SLC4A4: variants seen among roughly 807,000 people sequenced by gnomAD.
SLC4A4 encodes solute carrier family 4 member 4.
SLC4A4 carries 27 observed loss-of-function variants against 111.5 expected under a neutral mutation model. The observed-to-expected ratio is 0.24, with a 90% confidence interval of 0.18 to 0.33. The LOEUF is 0.33. Ranked by LOEUF, SLC4A4 falls within the 10% of genes least tolerant of loss-of-function variation. The pLI is 1.00. For missense variants in SLC4A4, 909 were observed against 1,315.5 expected (o/e 0.69, Z 4.78); for synonymous variants, 443 against 463.4 (o/e 0.96, Z 0.57).
chr4:71,289,593 G>A (rs1724177086), intron 3 of SLC4A4, among the ~76,000 whole-genome samples: 1 of 152,192 alleles, frequency 6.6e-6, no homozygotes, highest in Non-Finnish European at 1.5e-5. Context: ...AAAAAAAACA[G>A]TGCAAATGGA....
intron 2 of SLC4A4, among the ~76,000 whole-genome samples, chr4:71,140,718 C>G (rs138495573): frequency 9.9e-5 from 15 of 152,256 alleles, no homozygotes; most frequent in South Asian, 6.2e-4. Flanking sequence ...CCTTCCTCAT[C>G]ATATGACGAT....
chr4:71,379,724 G>A (rs1300118906), intron 6 of SLC4A4, among the ~76,000 whole-genome samples: 3 of 152,082 alleles, frequency 2.0e-5, no homozygotes, highest in African/African-American at 4.8e-5. Flanking sequence ...GAACAATAAG[G>A]TGGTTCCATT....
chr4:71,479,216 G>A (rs1728645826), intron 14 of SLC4A4, among the ~76,000 whole-genome samples: 1 of 151,636 alleles, frequency 6.6e-6, no homozygotes, highest in Admixed American at 6.6e-5. Context: ...CAGGAACCAA[G>A]TGCATCCCTG....
At chr4:71,383,404 C>G (rs903818484) in intron 6 of SLC4A4, among the ~76,000 whole-genome samples, 1 of 152,154 alleles carries the variant, frequency 6.6e-6, no homozygotes, top group Non-Finnish European at 1.5e-5. Flanking sequence ...CACATACCCT[C>G]TGTATGATGA....
chr4:71,177,733 G>A (rs1389150892), intron 2 of SLC4A4, among the ~76,000 whole-genome samples: 2 of 152,144 alleles, frequency 1.3e-5, no homozygotes, highest in East Asian at 1.9e-4. Context: ...AATAATGTGA[G>A]ACTTTAACAC....
At chr4:71,284,943 G>C (rs1723795233) in intron 3 of SLC4A4, among the ~76,000 whole-genome samples, 1 of 152,162 alleles carries the variant, frequency 6.6e-6, no homozygotes, top group Non-Finnish European at 1.5e-5. Flanking sequence ...TGGGGAATCT[G>C]ATTAGGCCGT....
intron 2 of SLC4A4, among the ~76,000 whole-genome samples, chr4:71,124,174 C>CT (rs5859248): frequency 4.5e-4 from 55 of 123,038 alleles, no homozygotes; most frequent in South Asian, 1.6e-3. Flanking sequence ...TAGGCCCACA[C>CT]TTTTTTTTTT....
At chr4:71,523,884 G>T (rs1168471786) in intron 16 of SLC4A4, among the ~76,000 whole-genome samples, 1 of 151,986 alleles carries the variant, frequency 6.6e-6, no homozygotes, top group African/African-American at 2.4e-5. Flanking sequence ...TGATAATTTG[G>T]TCTTAATGAA....
At chr4:71,486,588 GT>G (rs1283089825) in intron 14 of SLC4A4, among the ~76,000 whole-genome samples, 1 of 151,338 alleles carries the variant, frequency 6.6e-6, no homozygotes. Context: ...GAAGCCAGTG[GT>G]CAACTTAATC....
intron 1 of SLC4A4, among the ~76,000 whole-genome samples, chr4:71,188,612 T>A (rs1745597592): frequency 6.6e-6 from 1 of 152,200 alleles, no homozygotes; most frequent in African/African-American, 2.4e-5. Context: ...TAATACTACC[T>A]GAATTAAATT....
intron 12 of SLC4A4, among the ~76,000 whole-genome samples, chr4:71,465,738 G>A (rs1727249195): frequency 6.6e-6 from 1 of 151,814 alleles, no homozygotes; most frequent in Non-Finnish European, 1.5e-5. Flanking sequence ...GAAAATGATG[G>A]GTTGATTTCC....
chr4:71,144,193 C>G (rs996795250), intron 2 of SLC4A4, among the ~76,000 whole-genome samples: 1 of 152,234 alleles, frequency 6.6e-6, no homozygotes, highest in East Asian at 1.9e-4. Flanking sequence ...GCACCATCTA[C>G]TAAATAGGGA....
intron 18 of SLC4A4, among the ~76,000 whole-genome samples, chr4:71,540,653 A>G (rs1290308117): frequency 6.6e-6 from 1 of 152,148 alleles, no homozygotes; most frequent in Non-Finnish European, 1.5e-5. Context: ...TTCCCTATTC[A>G]CCACCTGTCT....
chr4:71,136,376 C>A (rs1743842916), intron 2 of SLC4A4, among the ~76,000 whole-genome samples: 1 of 152,138 alleles, frequency 6.6e-6, no homozygotes, highest in African/African-American at 2.4e-5. Flanking sequence ...TGAGAGAGAG[C>A]CAGAAGTTCA....
At chr4:71,107,244 G>A (rs1391999684) in intron 2 of SLC4A4, among the ~76,000 whole-genome samples, 1 of 152,074 alleles carries the variant, frequency 6.6e-6, no homozygotes, top group Non-Finnish European at 1.5e-5. Context: ...TTATTAATAG[G>A]AAGGGACTTA....
chr4:71,249,435 AC>A (rs1720904319), intron 2 of SLC4A4, among the ~76,000 whole-genome samples: 1 of 152,056 alleles, frequency 6.6e-6, no homozygotes, highest in South Asian at 2.1e-4. Flanking sequence ...GGGCTGGTTT[AC>A]CCCCTGGTAA....
chr4:71,294,493 A>G (rs1216284028), intron 3 of SLC4A4, among the ~76,000 whole-genome samples: 1 of 152,200 alleles, frequency 6.6e-6, no homozygotes, highest in East Asian at 1.9e-4. Flanking sequence ...ACATGTTTGA[A>G]ATGTTTTCTT....
intron 1 of SLC4A4, among the ~76,000 whole-genome samples, chr4:71,218,404 T>TA (rs1718554919): frequency 6.6e-6 from 1 of 152,230 alleles, no homozygotes. Context: ...TCTAAACAAA[T>TA]ACGTGTGCTG....
intron 20 of SLC4A4, among the ~76,000 whole-genome samples, chr4:71,548,598 A>G (rs1319849130): frequency 6.6e-6 from 1 of 151,914 alleles, no homozygotes; most frequent in East Asian, 1.9e-4. Context: ...CAATTCACCC[A>G]TGGACCTAAC....
Sources: allele counts gnomAD v4.1 joint callset (sites outside exome capture counted in the v4.1 genomes callset), GRCh38; gene constraint gnomAD v4.1.1; transcripts MANE v1.5; gene names NCBI Gene and HGNC (gene_info 2026-07-23, HGNC 2026-07-21).